Variants in MBD5 observed in about 807,000 individuals in gnomAD.
MBD5 encodes methyl-CpG binding domain protein 5, also known as methyl-CpG-binding domain protein 5.
MBD5 carries 13 observed loss-of-function variants against 117.3 expected under a neutral mutation model. The observed-to-expected ratio is 0.11, with a 90% CI of 0.07 to 0.18. The LOEUF is 0.18. Among genes scored for constraint, MBD5 ranks in the 10% least tolerant of loss-of-function variants. The probability of loss-of-function intolerance (pLI) is 1.00; values close to 1 mark genes in which losing one functional copy is unlikely to be tolerated. For synonymous variants in MBD5, 727 were observed against 766.4 expected (o/e 0.95, Z 0.85); for missense variants, 1,879 against 2,093.8 (o/e 0.90, Z 2.00).
At chr2:148,424,177 CAAAAAAAAAAAAAAAA>C (rs56740583) in intron 4 of MBD5, among the ~76,000 whole-genome samples, 54 of 53,432 alleles carry the variant, frequency 1.0e-3, no homozygotes, top group Admixed American at 3.2e-3. Context: ...GACTCTGTCT[CAAAAAAAAAAAAAAAA>C]AAAAAAAAAA....
chr2:148,335,099 A>G (rs1270788667), intron 3 of MBD5, among the ~76,000 whole-genome samples: 1 of 152,172 alleles, frequency 6.6e-6, no homozygotes, highest in African/African-American at 2.4e-5. Flanking sequence ...GTCAAAAGCT[A>G]GGCAACTGAC....
At chr2:148,214,647 C>A (rs1400451005) in intron 2 of MBD5, among the ~76,000 whole-genome samples, 1 of 152,152 alleles carries the variant, frequency 6.6e-6, no homozygotes, top group African/African-American at 2.4e-5. Flanking sequence ...TCCTATATGA[C>A]CCCTGTTATG....
chr2:148,465,110 T>C (rs1233699113), intron 7 of MBD5, among the ~76,000 whole-genome samples: 1 of 152,202 alleles, frequency 6.6e-6, no homozygotes, highest in Non-Finnish European at 1.5e-5. Context: ...TTGAAGAGTC[T>C]AGGCCAACTT....
intron 4 of MBD5, among the ~76,000 whole-genome samples, chr2:148,436,187 A>G (rs540968092): frequency 2.6e-5 from 4 of 152,300 alleles, no homozygotes; most frequent in South Asian, 4.1e-4. Context: ...GAAGATTGAC[A>G]TGTTTTCTTA....
At chr2:148,268,409 T>C (rs1272733186) in intron 3 of MBD5, among the ~76,000 whole-genome samples, 2 of 152,088 alleles carry the variant, frequency 1.3e-5, no homozygotes, top group Admixed American at 6.6e-5. Flanking sequence ...TACTTTATGT[T>C]ATCTTTCTAT....
intron 4 of MBD5, among the ~76,000 whole-genome samples, chr2:148,373,363 T>C (rs1703906624): frequency 6.6e-6 from 1 of 152,138 alleles, no homozygotes; most frequent in South Asian, 2.1e-4. Flanking sequence ...GCATATTGAA[T>C]AACCAGATAA....
intron 3 of MBD5, among the ~76,000 whole-genome samples, chr2:148,250,993 T>C (rs1700451520): frequency 6.6e-6 from 1 of 152,128 alleles, no homozygotes; most frequent in African/African-American, 2.4e-5. Context: ...AATAGTGGGG[T>C]TTTTTAATGT....
At chr2:148,364,345 C>T (rs939277641) in intron 4 of MBD5, among the ~76,000 whole-genome samples, 7 of 152,106 alleles carry the variant, frequency 4.6e-5, no homozygotes, top group Non-Finnish European at 1.5e-5. Context: ...CTGAAGGAAG[C>T]CCTAAATATG....
chr2:148,046,323 A>G (rs918529754), intron 1 of MBD5, among the ~76,000 whole-genome samples: 7 of 152,206 alleles, frequency 4.6e-5, no homozygotes, highest in African/African-American at 1.7e-4. Context: ...TATGAAAGAA[A>G]TAAAATACAA....
intron 1 of MBD5, among the ~76,000 whole-genome samples, chr2:148,127,267 G>A (rs982151289): frequency 4.6e-5 from 7 of 152,100 alleles, no homozygotes; most frequent in African/African-American, 1.4e-4. Flanking sequence ...GGGTACTTGC[G>A]CAGGATATGC....
At chr2:148,252,114 G>A (rs1229704135) in intron 3 of MBD5, among the ~76,000 whole-genome samples, 3 of 152,036 alleles carry the variant, frequency 2.0e-5, no homozygotes, top group Non-Finnish European at 2.9e-5. Flanking sequence ...GTGGATCAGG[G>A]GATAGTTCCA....
At position 148,395,718 on chromosome 2, in the gene MBD5, C is replaced by T. The variant is rs552079686; in HGVS notation, c.-557+53382C>T. ...GGGATTAGAGGCGTGAGCCACCGTG[C>T]CTGGCCCCAACTCATCTTTTCATAA... is the stretch of plus-strand genomic sequence containing the variant. On this transcript the variant is annotated intron_variant, in intron 4 of 13. Coordinates refer to ENST00000642680, the MANE Select transcript of MBD5 (RefSeq NM_001378120.1). Among the ~76,000 whole-genome samples, 183 of 152,272 alleles carry T rather than the reference C, an allele frequency of 1.2e-3. 1 individual carries two copies. Among genetic ancestry groups the T allele is most frequent in the African/African-American group, 4.2e-3 (174 of 41,552 alleles).
chr2:148,111,711 A>G (rs113250968), intron 1 of MBD5, among the ~76,000 whole-genome samples: 10 of 152,228 alleles, frequency 6.6e-5, no homozygotes, highest in African/African-American at 2.2e-4. Context: ...TAATTATCAA[A>G]TGGTTCAGCA....
At chr2:148,504,618 T>C (rs1446513581) in intron 12 of MBD5, among the ~76,000 whole-genome samples, 3 of 152,244 alleles carry the variant, frequency 2.0e-5, no homozygotes, top group East Asian at 3.9e-4. Flanking sequence ...GTAATTCAAA[T>C]GTCAAAATTG....
intron 1 of MBD5, among the ~76,000 whole-genome samples, chr2:148,152,340 G>T (rs560616366): frequency 6.6e-6 from 1 of 152,270 alleles, no homozygotes; most frequent in East Asian, 1.9e-4. Flanking sequence ...TACATTTGCT[G>T]AGGAGAGCTT....
intron 3 of MBD5, among the ~76,000 whole-genome samples, chr2:148,304,874 A>G (rs1701854084): frequency 6.6e-6 from 1 of 151,930 alleles, no homozygotes; most frequent in South Asian, 2.1e-4. Flanking sequence ...CATCCCGGCT[A>G]AAAAAACGGT....
chr2:148,490,033 C>G lies in MBD5; in HGVS notation c.4401C>G (p.Val1467=), dbSNP rs144957555. The G allele has an allele frequency of 6.2e-7, 1 of 1,613,906 alleles. No homozygotes were observed. Among genetic ancestry groups the G allele is most frequent in the African/African-American group, 1.3e-5 (1 of 74,962 alleles). The part of the protein sequence containing the change: ...SSPCHERPNN[V]STLPFLPGEQ... ...CTTGTCATGAAAGGCCCAACAATGTCTCTACACTGCCATTTCTGCCTGGGG... is the reference window on the plus strand; with the variant it reads ...CTTGTCATGAAAGGCCCAACAATGTGTCTACACTGCCATTTCTGCCTGGGG... Residue 1467 remains valine (V), a synonymous_variant, in exon 11 of 14, where the codon GTC becomes GTG. Coordinates refer to ENST00000642680, the MANE Select transcript of MBD5 (RefSeq NM_001378120.1).
At chr2:148,067,311 C>T (rs928843691) in intron 1 of MBD5, among the ~76,000 whole-genome samples, 24 of 152,294 alleles carry the variant, frequency 1.6e-4, no homozygotes, top group African/African-American at 5.8e-4. Context: ...AACAGCCACT[C>T]AGCAATTGTT....
intron 2 of MBD5, among the ~76,000 whole-genome samples, chr2:148,218,968 T>G (rs1014288160): frequency 1.3e-5 from 2 of 152,188 alleles, no homozygotes; most frequent in East Asian, 1.9e-4. Context: ...TTTTAAAAGT[T>G]TTTTTCTACA....
Sources: allele counts gnomAD v4.1 joint callset (sites outside exome capture counted in the v4.1 genomes callset), GRCh38; gene constraint gnomAD v4.1.1; transcripts MANE v1.5; gene names NCBI Gene and HGNC (gene_info 2026-07-23, HGNC 2026-07-21).